Variants in LINGO2 observed in about 807,000 individuals in gnomAD.
LINGO2 encodes the protein leucine rich repeat and Ig domain containing 2, also known as leucine-rich repeat and immunoglobulin-like domain-containing nogo receptor-interacting protein 2.
A neutral mutation model predicts 30.6 loss-of-function variants in LINGO2; 14 were observed. The observed-to-expected ratio is 0.46, with a 90% CI of 0.30 to 0.72. The LOEUF (loss-of-function observed/expected upper bound fraction) is 0.72. LINGO2 is among the 30% of genes least tolerant of loss of function. The pLI is 0.07. For missense variants in LINGO2, 729 were observed against 751.7 expected (o/e 0.97, Z 0.35); for synonymous variants, 317 against 288.5 (o/e 1.10, Z -1.00).
Position 28,533,516 on chromosome 9 carries a change from G to C in LINGO2, c.-364-57491C>G, listed in dbSNP as rs151163189. Among the ~76,000 whole-genome samples, 1,455 of 152,240 alleles carry C rather than the reference G, an allele frequency of 9.6e-3. 8 individuals carry two copies. The highest frequency in any genetic ancestry group is 0.02 in the Middle Eastern group (6 of 294). On this transcript the variant is annotated intron_variant, in intron 1 of 5. Transcript: ENST00000379992. The stretch of plus-strand genomic sequence containing the variant: ...AGTCCTCTTTAGTTTATCTTATAAG[G>C]AAGGAGTCAGGACATAAACACTGCT...
chr9:29,077,180 T>C, the LINGO2 span, among the ~76,000 whole-genome samples: 1 of 152,060 alleles, frequency 6.6e-6, no homozygotes, highest in African/African-American at 2.4e-5. Context: ...TGTTACACAA[T>C]CATTGCAAAA....
At chr9:28,182,925 A>G (rs2133720267) in intron 4 of LINGO2, among the ~76,000 whole-genome samples, 1 of 152,330 alleles carries the variant, frequency 6.6e-6, no homozygotes, top group South Asian at 2.1e-4. Flanking sequence ...TAGAATCAGA[A>G]ATACCATTTG....
intron 3 of LINGO2, among the ~76,000 whole-genome samples, chr9:28,298,933 T>G (rs1371487861): frequency 6.6e-6 from 1 of 152,212 alleles, no homozygotes; most frequent in Non-Finnish European, 1.5e-5. Flanking sequence ...TCCTGTTTGT[T>G]GGCCTGGCCC....
intron 4 of LINGO2, among the ~76,000 whole-genome samples, chr9:28,288,566 T>TC (rs1250674219): frequency 6.6e-6 from 1 of 152,188 alleles, no homozygotes; most frequent in Non-Finnish European, 1.5e-5. Flanking sequence ...TGTTGTTTTT[T>TC]CTTTGGTAGG....
At chr9:28,003,298 AC>A (rs2119162340) in intron 5 of LINGO2, among the ~76,000 whole-genome samples, 1 of 151,846 alleles carries the variant, frequency 6.6e-6, no homozygotes, top group South Asian at 2.1e-4. Flanking sequence ...TAATTATCTC[AC>A]TCATTTTTAT....
chr9:28,294,438 T>A (rs1823852007), intron 4 of LINGO2, among the ~76,000 whole-genome samples: 1 of 152,184 alleles, frequency 6.6e-6, no homozygotes, highest in Non-Finnish European at 1.5e-5. Context: ...AATAAACTGT[T>A]AAAATTTCGA....
intron 4 of LINGO2, among the ~76,000 whole-genome samples, chr9:28,015,275 C>T (rs1046294426): frequency 6.6e-6 from 1 of 152,110 alleles, no homozygotes; most frequent in African/African-American, 2.4e-5. Flanking sequence ...AAAAGCAGGC[C>T]TTACATTACA....
chr9:28,724,188 T>C, the LINGO2 span, among the ~76,000 whole-genome samples: 1 of 152,144 alleles, frequency 6.6e-6, no homozygotes, highest in Non-Finnish European at 1.5e-5. Flanking sequence ...GACTGCATAA[T>C]AATATAAACC....
At chr9:28,202,559 C>T (rs1397388929) in intron 4 of LINGO2, among the ~76,000 whole-genome samples, 3 of 152,030 alleles carry the variant, frequency 2.0e-5, no homozygotes, top group South Asian at 2.1e-4. Context: ...TCCCTCACCC[C>T]GTCCCCCCCG....
chr9:28,640,373 G>A (rs1337839084), intron 1 of LINGO2, among the ~76,000 whole-genome samples: 1 of 152,070 alleles, frequency 6.6e-6, no homozygotes, highest in Non-Finnish European at 1.5e-5. Context: ...GGCCTGCCTT[G>A]CTAGATTGGG....
At chr9:28,227,434 A>T (rs1273391871) in intron 4 of LINGO2, among the ~76,000 whole-genome samples, 1 of 152,070 alleles carries the variant, frequency 6.6e-6, no homozygotes, top group Non-Finnish European at 1.5e-5. Flanking sequence ...TTTATGTCTC[A>T]TTTTAAAATA....
intron 4 of LINGO2, among the ~76,000 whole-genome samples, chr9:28,273,521 T>C (rs1015428350): frequency 1.4e-4 from 21 of 152,340 alleles, no homozygotes; most frequent in African/African-American, 5.0e-4. Flanking sequence ...AGGAAAGCTA[T>C]GTGGCAGGTC....
At chr9:28,239,538 T>C (rs192393951) in intron 4 of LINGO2, among the ~76,000 whole-genome samples, 2 of 152,214 alleles carry the variant, frequency 1.3e-5, no homozygotes, top group East Asian at 3.9e-4. Context: ...ACAAAAACCA[T>C]AGATCATTTC....
chr9:28,483,416 T>C (rs959274916), intron 1 of LINGO2, among the ~76,000 whole-genome samples: 26 of 152,074 alleles, frequency 1.7e-4, no homozygotes, highest in African/African-American at 5.8e-4. Flanking sequence ...AGATGCGGTG[T>C]GACCCTCTGC....
intron 4 of LINGO2, among the ~76,000 whole-genome samples, chr9:28,057,814 C>G (rs1344884148): frequency 1.3e-5 from 2 of 151,896 alleles, no homozygotes; most frequent in African/African-American, 4.8e-5. Flanking sequence ...TCTCTTCCGG[C>G]TACCCTTCAC....
At chr9:28,212,489 G>A (rs954925875) in intron 4 of LINGO2, among the ~76,000 whole-genome samples, 5 of 151,150 alleles carry the variant, frequency 3.3e-5, no homozygotes, top group African/African-American at 4.8e-5. Flanking sequence ...GTTCATGTAC[G>A]ATGTACATAT....
chr9:28,961,013 A>G, the LINGO2 span, among the ~76,000 whole-genome samples: 2 of 152,210 alleles, frequency 1.3e-5, no homozygotes, highest in African/African-American at 2.4e-5. Flanking sequence ...ACCAAATGCC[A>G]TGAAATCAGA....
chr9:28,309,541 C>T (rs1034521595), intron 3 of LINGO2, among the ~76,000 whole-genome samples: 1 of 151,270 alleles, frequency 6.6e-6, no homozygotes, highest in Admixed American at 6.6e-5. Context: ...ATATAACTAA[C>T]CTGCATGTTG....
chr9:28,734,175 A>G, the LINGO2 span, among the ~76,000 whole-genome samples: 1 of 152,162 alleles, frequency 6.6e-6, no homozygotes, highest in Non-Finnish European at 1.5e-5. Flanking sequence ...ATTAAATAAA[A>G]TCAGGGTTAT....
Sources: allele counts gnomAD v4.1 joint callset (sites outside exome capture counted in the v4.1 genomes callset), GRCh38; gene constraint gnomAD v4.1.1; transcripts MANE v1.5; gene names NCBI Gene and HGNC (gene_info 2026-07-23, HGNC 2026-07-21).